The following ADRA1A variants were observed in gnomAD, a reference collection of about 807,000 sequenced individuals.
ADRA1A encodes adrenoceptor alpha 1A, also known as alpha-1A adrenergic receptor.
Under a neutral mutation model 29.6 loss-of-function variants are expected in ADRA1A, and 31 were observed. The ratio of observed to expected loss-of-function variants is 1.05; its 90% CI spans 0.79 to 1.41. The LOEUF is 1.41. Ranked by LOEUF, ADRA1A falls within the 40% of genes most tolerant of loss-of-function variation. The pLI is 0.00. For missense variants in ADRA1A, 619 were observed against 601.1 expected (o/e 1.03, Z -0.31); for synonymous variants, 311 against 254.3 (o/e 1.22, Z -2.12).
intron 2 of ADRA1A, among the ~76,000 whole-genome samples, chr8:26,817,715 C>T (rs1809865345): frequency 6.6e-6 from 1 of 152,162 alleles, no homozygotes; most frequent in Non-Finnish European, 1.5e-5. Context: ...GAGGTTGAGG[C>T]TGCAGTGAGC....
At chr8:26,813,373 C>T (rs1424750729) in intron 2 of ADRA1A, among the ~76,000 whole-genome samples, 1 of 152,122 alleles carries the variant, frequency 6.6e-6, no homozygotes, top group Non-Finnish European at 1.5e-5. Flanking sequence ...TCTTTCTTAA[C>T]CCACTCATCT....
chr8:26,864,593 A>T lies in ADRA1A; in HGVS notation c.377T>A (p.Ile126Asn), dbSNP rs202189077. The change falls in exon 2 of 3, where the codon ATC (isoleucine) becomes AAC (asparagine). Residue 126 changes from isoleucine to asparagine, a missense_variant. By Grantham distance (149) the Ile-to-Asn change is moderately radical. Coordinates refer to ENST00000380573, the MANE Select transcript of ADRA1A (RefSeq NM_000680.4). The surrounding 1 kb of genome is among the most constrained non-coding windows in gnomAD (Gnocchi z 8.1). ...GTAGCGCAGCGGGTAGCTCACGCCGATGTAGCGGTCGATGGAGATGATGCA... is the reference window on the plus strand; with the variant it reads ...GTAGCGCAGCGGGTAGCTCACGCCGTTGTAGCGGTCGATGGAGATGATGCA... ...GLCIISIDRY[I>N]GVSYPLRYPT... 5.6e-6 allele frequency: 9 copies of T among 1,613,928 alleles called. No individual in the cohort carries two copies. Among genetic ancestry groups the T allele is most frequent in the Non-Finnish European group, 6.8e-6 (8 of 1,180,032 alleles).
chr8:26,774,828 C>T (rs528588178), intron 2 of ADRA1A, among the ~76,000 whole-genome samples: 3 of 152,328 alleles, frequency 2.0e-5, no homozygotes, highest in Admixed American at 6.5e-5. Flanking sequence ...TCCTCCTGCT[C>T]TCTCTTTCTC....
chr8:26,863,544 C>T (rs1167353205), intron 2 of ADRA1A, among the ~76,000 whole-genome samples: 3 of 152,034 alleles, frequency 2.0e-5, no homozygotes, highest in Non-Finnish European at 2.9e-5. Flanking sequence ...ATAATTCCTT[C>T]CATACTGAAT....
At chr8:26,753,781 A>G (rs2130158789), downstream of ADRA1A, among the ~76,000 whole-genome samples, 1 of 152,368 alleles carries the variant, frequency 6.6e-6, no homozygotes, top group Admixed American at 6.5e-5. Context: ...AGAGACATTA[A>G]CAACACACCA....
rs1281241450 is a variant in ADRA1A, at chr8:26,864,676, G to A, written c.294C>T (p.Phe98=). The A allele has an allele frequency of 6.2e-6, 10 of 1,614,048 alleles. No homozygotes were observed. The highest frequency in any genetic ancestry group is 1.3e-5 in the African/African-American group (1 of 74,914). The change falls in exon 2 of 3, where the codon TTC becomes TTT. Residue 98 remains phenylalanine (F), a synonymous_variant. Coordinates refer to ENST00000380573, the MANE Select transcript of ADRA1A (RefSeq NM_000680.4). This position sits in a 1 kb window ranked among gnomAD's most constrained non-coding sequence, Gnocchi z 8.1. The part of the protein sequence containing the change: ...VLGYWAFGRV[F]CNIWAAVDVL... ...CATCCACTGCCGCCCAGATGTTGCA[G>A]AAGACCCTGCCGAAGGCCCAGTAGC...
downstream of ADRA1A, among the ~76,000 whole-genome samples, chr8:26,754,948 A>G (rs1041483979): frequency 9.9e-5 from 15 of 152,128 alleles, no homozygotes; most frequent in Admixed American, 9.8e-4. Flanking sequence ...GGGATATTAT[A>G]GTGATTCAGT....
chr8:26,794,815 A>T (rs1808081866), intron 2 of ADRA1A, among the ~76,000 whole-genome samples: 1 of 152,072 alleles, frequency 6.6e-6, no homozygotes, highest in African/African-American at 2.4e-5. Flanking sequence ...TTGATTATTA[A>T]GAATATTATT....
intron 2 of ADRA1A, among the ~76,000 whole-genome samples, chr8:26,808,557 T>A (rs954463115): frequency 1.3e-5 from 2 of 152,218 alleles, no homozygotes; most frequent in African/African-American, 4.8e-5. Flanking sequence ...GCGGTGTGCA[T>A]CCCCTTTCCT....
chr8:26,836,832 G>A (rs1811400815), intron 2 of ADRA1A, among the ~76,000 whole-genome samples: 1 of 152,186 alleles, frequency 6.6e-6, no homozygotes, highest in Non-Finnish European at 1.5e-5. Context: ...CTTCAGGAGG[G>A]GCCAGCAGTG....
At chr8:26,767,701 G>A (rs766482529), downstream of ADRA1A, among the ~76,000 whole-genome samples, 1 of 152,132 alleles carries the variant, frequency 6.6e-6, no homozygotes, top group Non-Finnish European at 1.5e-5. Context: ...AATTTAATAT[G>A]TCTGTAAAGG....
intron 2 of ADRA1A, among the ~76,000 whole-genome samples, chr8:26,832,580 G>C (rs1457820531): frequency 6.6e-6 from 1 of 152,140 alleles, no homozygotes; most frequent in Non-Finnish European, 1.5e-5. Flanking sequence ...TATGGCACAA[G>C]AGATGAAGAG....
chr8:26,788,800 A>G (rs1807596053), intron 2 of ADRA1A, among the ~76,000 whole-genome samples: 1 of 152,118 alleles, frequency 6.6e-6, no homozygotes, highest in Non-Finnish European at 1.5e-5. Context: ...GCTACAACCC[A>G]CTGCCTGGTT....
rs1350911177 is a variant in ADRA1A at position 26,864,591 on chromosome 8, C to T, written c.379G>A (p.Gly127Ser). The T allele has an allele frequency of 1.2e-6, 2 of 1,614,064 alleles. No homozygotes were observed. The highest frequency in any genetic ancestry group is 1.7e-5 in the Admixed American group (1 of 60,018). ...GGGTAGCGCAGCGGGTAGCTCACGCCGATGTAGCGGTCGATGGAGATGATG... is the reference window on the plus strand; with the variant it reads ...GGGTAGCGCAGCGGGTAGCTCACGCTGATGTAGCGGTCGATGGAGATGATG... ...LCIISIDRYI[G>S]VSYPLRYPTI... Residue 127 changes from glycine to serine, a missense_variant, in exon 2 of 3, where the codon GGC (glycine) becomes AGC (serine). Coordinates refer to ENST00000380573, the MANE Select transcript of ADRA1A (RefSeq NM_000680.4). This position sits in a 1 kb window ranked among gnomAD's most constrained non-coding sequence, Gnocchi z 8.1.
chr8:26,773,596 T>G (rs1014167725), intron 2 of ADRA1A, among the ~76,000 whole-genome samples: 3 of 152,164 alleles, frequency 2.0e-5, no homozygotes, highest in Non-Finnish European at 4.4e-5. Flanking sequence ...GGTCGTTTCC[T>G]TATTTGAAGA....
intron 2 of ADRA1A, among the ~76,000 whole-genome samples, chr8:26,798,023 G>T (rs1180057561): frequency 6.6e-6 from 1 of 150,890 alleles, no homozygotes; most frequent in Non-Finnish European, 1.5e-5. Context: ...TTGTCACCCA[G>T]GCTGGAGTTC....
intron 2 of ADRA1A, among the ~76,000 whole-genome samples, chr8:26,828,815 T>C (rs559293518): frequency 6.6e-6 from 1 of 152,286 alleles, no homozygotes; most frequent in South Asian, 2.1e-4. Flanking sequence ...ATCATGCCTA[T>C]GGCTATTTGC....
At chr8:26,804,012 C>G (rs114310713) in intron 2 of ADRA1A, among the ~76,000 whole-genome samples, 2,564 of 132,950 alleles carry the variant, frequency 0.019, 63 homozygotes, top group African/African-American at 0.067. Context: ...ACCTTGAATT[C>G]CTGGGCTCAA....
At chr8:26,773,832 G>A (rs925734559) in intron 2 of ADRA1A, among the ~76,000 whole-genome samples, 4 of 152,088 alleles carry the variant, frequency 2.6e-5, no homozygotes, top group Non-Finnish European at 4.4e-5. Context: ...GGCTGACCCA[G>A]AGCCAAGCTC....
Sources: allele counts gnomAD v4.1 joint callset (sites outside exome capture counted in the v4.1 genomes callset), GRCh38; gene constraint gnomAD v4.1.1; non-coding constraint Gnocchi (gnomAD v3.1); transcripts MANE v1.5; gene names NCBI Gene and HGNC (gene_info 2026-07-23, HGNC 2026-07-21).